ANKFN1: variants seen among roughly 807,000 people sequenced by gnomAD.
The protein encoded by ANKFN1 is ankyrin repeat and fibronectin type III domain containing 1.
ANKFN1 carries 74 observed loss-of-function variants against 108.7 expected under a neutral mutation model. The observed-to-expected ratio is 0.68, with a 90% CI of 0.56 to 0.83. The LOEUF (loss-of-function observed/expected upper bound fraction) is 0.83, where lower values mean the gene tolerates loss of function less well. Among genes scored for constraint, ANKFN1 ranks in the 40% least tolerant of loss-of-function variants. The pLI, the probability that ANKFN1 is intolerant of heterozygous loss-of-function variation, is 0.00. For synonymous variants in ANKFN1, 547 were observed against 516.2 expected (o/e 1.06, Z -0.81); for missense variants, 1,505 against 1,382.3 (o/e 1.09, Z -1.41).
intron 2 of ANKFN1, among the ~76,000 whole-genome samples, chr17:56,225,330 C>T (rs954259428): frequency 2.0e-5 from 3 of 152,140 alleles, no homozygotes; most frequent in East Asian, 1.9e-4. Context: ...ATTAAGCACT[C>T]CATATTATTA....
intron 3 of ANKFN1, among the ~76,000 whole-genome samples, chr17:56,232,258 T>TA (rs1248460288): frequency 2.0e-5 from 3 of 152,248 alleles, no homozygotes; most frequent in Non-Finnish European, 4.4e-5. Context: ...TTTAAAATGT[T>TA]ACAGCCTGAA....
At chr17:56,052,899 G>A (rs1876467410) in intron 4 of ANKFN1, among the ~76,000 whole-genome samples, 1 of 152,172 alleles carries the variant, frequency 6.6e-6, no homozygotes, top group Admixed American at 6.5e-5. Flanking sequence ...GAAAGTTGTA[G>A]GACCACAATT....
At chr17:56,309,814 C>T (rs1735677417) in intron 3 of ANKFN1, among the ~76,000 whole-genome samples, 1 of 152,098 alleles carries the variant, frequency 6.6e-6, no homozygotes, top group Non-Finnish European at 1.5e-5. Flanking sequence ...ATATTCTATA[C>T]TAAAAGTTAT....
chr17:56,297,327 G>C (rs981036446), intron 3 of ANKFN1, among the ~76,000 whole-genome samples: 2 of 152,190 alleles, frequency 1.3e-5, no homozygotes, highest in Admixed American at 6.5e-5. Context: ...CACTGTTTGG[G>C]AGCTGCTGGC....
chr17:56,435,931 A>G (rs1047033443), intron 8 of ANKFN1, among the ~76,000 whole-genome samples: 3 of 152,050 alleles, frequency 2.0e-5, no homozygotes, highest in African/African-American at 4.8e-5. Context: ...TAAACTTTAT[A>G]CTATGTTCTC....
intron 3 of ANKFN1, among the ~76,000 whole-genome samples, chr17:56,257,367 A>G (rs1309496957): frequency 6.6e-6 from 1 of 152,216 alleles, no homozygotes; most frequent in Non-Finnish European, 1.5e-5. Context: ...ACTGCAAACA[A>G]TAGAGCCACA....
chr17:56,125,493 T>C (rs1906869271), intron 4 of ANKFN1, among the ~76,000 whole-genome samples: 1 of 152,206 alleles, frequency 6.6e-6, no homozygotes, highest in Non-Finnish European at 1.5e-5. Flanking sequence ...AGGACTTCCA[T>C]AGTGGGATTA....
intron 3 of ANKFN1, among the ~76,000 whole-genome samples, chr17:56,315,490 C>T (rs1446099794): frequency 6.6e-6 from 1 of 152,172 alleles, no homozygotes; most frequent in Non-Finnish European, 1.5e-5. Flanking sequence ...CAGAAGGTGC[C>T]TGTTGCTGTC....
At chr17:56,454,065 T>A (rs2049593895) in intron 11 of ANKFN1, among the ~76,000 whole-genome samples, 2 of 152,334 alleles carry the variant, frequency 1.3e-5, no homozygotes, top group South Asian at 4.1e-4. Flanking sequence ...ATTACTTCTT[T>A]AAGTATTTCT....
At chr17:56,052,292 A>C (rs1199320858) in intron 4 of ANKFN1, among the ~76,000 whole-genome samples, 1 of 152,174 alleles carries the variant, frequency 6.6e-6, no homozygotes, top group Non-Finnish European at 1.5e-5. Flanking sequence ...TAGAAGAAGC[A>C]CTGCTTTACA....
intron 1 of ANKFN1, among the ~76,000 whole-genome samples, chr17:56,202,291 T>G (rs960641421): frequency 6.9e-6 from 1 of 144,854 alleles, no homozygotes; most frequent in Non-Finnish European, 1.5e-5. Flanking sequence ...GTCAAAGACT[T>G]TCTCCTCCTC....
intron 3 of ANKFN1, among the ~76,000 whole-genome samples, chr17:56,240,184 C>T (rs934289177): frequency 3.3e-5 from 5 of 151,964 alleles, no homozygotes; most frequent in East Asian, 1.9e-4. Context: ...TCTGCTCTAT[C>T]ATTCTCCCAC....
chr17:56,322,212 A>G (rs1567912015), intron 3 of ANKFN1, among the ~76,000 whole-genome samples: 1 of 152,206 alleles, frequency 6.6e-6, no homozygotes, highest in Admixed American at 6.5e-5. Flanking sequence ...TAATGTCATC[A>G]TCATCCGCCA....
chr17:56,154,962 T>G (rs1908962969), intron 1 of ANKFN1, among the ~76,000 whole-genome samples: 1 of 152,176 alleles, frequency 6.6e-6, no homozygotes, highest in African/African-American at 2.4e-5. Flanking sequence ...CTCAGTTTCT[T>G]CATCCATGAA....
intron 1 of ANKFN1, among the ~76,000 whole-genome samples, chr17:56,169,907 A>G (rs1358832688): frequency 6.6e-6 from 1 of 152,324 alleles, no homozygotes; most frequent in South Asian, 2.1e-4. Context: ...AAGTGGGTAC[A>G]TTGACTTTGG....
At chr17:56,277,582 T>C (rs79785451) in intron 3 of ANKFN1, among the ~76,000 whole-genome samples, 3,117 of 152,208 alleles carry the variant, frequency 0.02, 127 homozygotes, top group African/African-American at 0.07. Context: ...TTACAGAGGA[T>C]GTCATTAAAG....
At chr17:56,434,682 A>AC (rs74592312) in intron 8 of ANKFN1, among the ~76,000 whole-genome samples, 2,122 of 152,100 alleles carry the variant, frequency 0.014, 46 homozygotes, top group East Asian at 0.09. Flanking sequence ...CTAATTTAAA[A>AC]CCCACAAGTG....
chr17:56,461,023 C>G (rs1346753588), intron 14 of ANKFN1, among the ~76,000 whole-genome samples: 1 of 152,208 alleles, frequency 6.6e-6, no homozygotes, highest in African/African-American at 2.4e-5. Flanking sequence ...CTTCAGGACC[C>G]CTCACTTGCA....
chr17:56,124,485 G>A (rs57553334), intron 4 of ANKFN1, among the ~76,000 whole-genome samples: 1 of 152,168 alleles, frequency 6.6e-6, no homozygotes, highest in Non-Finnish European at 1.5e-5. Context: ...ACAGGCCCCA[G>A]TGTCCCTGCC....
Sources: gnomAD v4.1 joint callset for allele counts (sites outside exome capture counted in the v4.1 genomes callset) on GRCh38, gnomAD v4.1.1 for gene constraint, MANE v1.5 for transcripts, NCBI Gene and HGNC (gene_info 2026-07-23, HGNC 2026-07-21) for gene names.